The following SPAG9 variants were observed in gnomAD, a reference collection of about 807,000 sequenced individuals.
The protein encoded by SPAG9 is sperm associated antigen 9.
In SPAG9, 35 loss-of-function variants were observed where a neutral mutation model predicts 166.5. The observed-to-expected ratio is 0.21, with a 90% CI of 0.16 to 0.28. The LOEUF (loss-of-function observed/expected upper bound fraction) is 0.28, where lower values mean the gene tolerates loss of function less well. Among genes scored for constraint, SPAG9 ranks in the 10% least tolerant of loss-of-function variants. The pLI is 1.00. For missense variants in SPAG9, 1,235 were observed against 1,603.3 expected, an observed-to-expected ratio of 0.77 and a Z score of 3.92; for synonymous variants, 534 against 565.5, an observed-to-expected ratio of 0.94 and a Z score of 0.79.
intron 4 of SPAG9, among the ~76,000 whole-genome samples, chr17:51,041,880 G>A (rs1001493988): frequency 6.6e-6 from 1 of 152,166 alleles, no homozygotes; most frequent in Non-Finnish European, 1.5e-5. Flanking sequence ...GGTAAGAAGG[G>A]TTAAGGAAAT....
intron 1 of SPAG9, among the ~76,000 whole-genome samples, chr17:51,118,852 C>A (rs1345871631): frequency 6.6e-6 from 1 of 152,068 alleles, no homozygotes; most frequent in Non-Finnish European, 1.5e-5. Flanking sequence ...GAGTTCAAGA[C>A]CATCCTAGGC....
chr17:51,069,322 ATTAT>A (rs918375966), intron 2 of SPAG9, among the ~76,000 whole-genome samples: 4 of 152,090 alleles, frequency 2.6e-5, no homozygotes, highest in African/African-American at 9.6e-5. Context: ...CTATTACAGT[ATTAT>A]TTAATTTTTT....
At chr17:51,095,462 G>A (rs892755528) in intron 1 of SPAG9, among the ~76,000 whole-genome samples, 125 of 151,516 alleles carry the variant, frequency 8.2e-4, no homozygotes, top group African/African-American at 2.9e-3. Context: ...GCCAAAGGCT[G>A]AGAAATGATG....
chr17:51,080,035 T>C (rs1004239639), intron 1 of SPAG9, among the ~76,000 whole-genome samples: 8 of 152,148 alleles, frequency 5.3e-5, no homozygotes, highest in East Asian at 1.9e-4. Flanking sequence ...ACATGTACAA[T>C]AGAGAACAAA....
intron 3 of SPAG9, among the ~76,000 whole-genome samples, chr17:51,055,211 G>A (rs945879597): frequency 3.3e-5 from 5 of 151,948 alleles, no homozygotes; most frequent in Non-Finnish European, 5.9e-5. Flanking sequence ...AAGTTAGCCG[G>A]GTATGGTGGC....
At chr17:51,079,541 G>A in intron 2 of SPAG9, 43 bp downstream of exon 2, 1 of 1,600,480 alleles carries the variant, frequency 6.2e-7, no homozygotes, top group Non-Finnish European at 8.5e-7. Context: ...GTCTGGCCAA[G>A]CCCAATCTTT....
chr17:51,013,901 TAC>T (rs61242113), intron 9 of SPAG9, among the ~76,000 whole-genome samples: 137,752 of 151,130 alleles, frequency 0.91, 62,877 homozygotes, highest in East Asian at 1. Context: ...CACATACACA[TAC>T]ACACACACAC....
chr17:50,980,856 G>C (rs140342990), intron 25 of SPAG9, among the ~76,000 whole-genome samples: 3 of 152,114 alleles, frequency 2.0e-5, no homozygotes, highest in Non-Finnish European at 4.4e-5. Flanking sequence ...AGAAAAATTA[G>C]TCAGGTATAA....
chr17:50,990,031 A>ATT (rs754240485), intron 20 of SPAG9, 159 bp from the exon 21 acceptor site: 218 of 595,856 alleles, frequency 3.7e-4, no homozygotes, highest in Non-Finnish European at 4.5e-4. Context: ...TCATTACAGC[A>ATT]TTTTTTTTTT....
At chr17:51,018,537 T>C (rs2045798831) in intron 8 of SPAG9, among the ~76,000 whole-genome samples, 1 of 152,160 alleles carries the variant, frequency 6.6e-6, no homozygotes, top group Admixed American at 6.5e-5. Context: ...GTTCAAACTT[T>C]TTTGTTTTGT....
At position 50,970,779 on chromosome 17, in the gene SPAG9, G is replaced by A; in HGVS notation, c.3778C>T (p.Pro1260Ser). 1.2e-6 allele frequency: 2 copies of A among 1,614,044 alleles called. No individual in the cohort carries two copies. Among genetic ancestry groups the A allele is most frequent in the Non-Finnish European group, 1.7e-6 (2 of 1,179,968 alleles). The change falls in exon 29 of 30, where the codon CCT becomes TCT. Residue 1260 changes from proline to serine, a missense_variant. Pro to Ser is a moderately conservative substitution (Grantham distance 74). Around this residue, in one of 6 missense-constraint regions of SPAG9, gnomAD observed 243 missense variants for 358.6 expected, o/e 0.68. Transcript: ENST00000262013. ...GDKAGPSAQE[P>S]GSQTPLKSML... ...GACTTCAAGGGCGTCTGACTACCAG[G>A]CTCCTGTGCAGATGGCCCTGCTTTG...
At chr17:50,971,570 C>T (rs747168248) in intron 28 of SPAG9, among the ~76,000 whole-genome samples, 48 of 145,368 alleles carry the variant, frequency 3.3e-4, no homozygotes, top group Admixed American at 2.9e-4. Context: ...CGGGTTCAAG[C>T]GATTTACCTG....
At chr17:51,010,635 G>C (rs1465874100) in intron 9 of SPAG9, among the ~76,000 whole-genome samples, 2 of 150,540 alleles carry the variant, frequency 1.3e-5, no homozygotes, top group South Asian at 4.2e-4. Flanking sequence ...ACATTTAGGA[G>C]AGGGAACAAA....
At chr17:51,095,123 G>A (rs906707276) in intron 1 of SPAG9, among the ~76,000 whole-genome samples, 3 of 151,406 alleles carry the variant, frequency 2.0e-5, no homozygotes, top group South Asian at 2.1e-4. Context: ...GTGAAACCCC[G>A]TCTCTACTAA....
At position 50,998,483 on chromosome 17, in the gene SPAG9, G is replaced by C; in HGVS notation, c.1799C>G (p.Pro600Arg). Residue 600 changes from proline (P) to arginine (R), a missense_variant, in exon 15 of 30, where the codon CCT (proline) becomes CGT (arginine). This residue lies in a region of SPAG9 where 493 missense variants were observed against 559.4 expected (regional missense o/e 0.88). Coordinates refer to ENST00000262013, the MANE Select transcript of SPAG9 (RefSeq NM_001130528.3). ...KKRSSTLSQL[P>R]GDKSKAFDFL... The stretch of plus-strand genomic sequence containing the variant: ...ATCAAAGGCTTTGGACTTATCCCCA[G>C]GGAGCTGAGATAAGGTGCTGCTTCT... The C allele has an allele frequency of 6.2e-7, 1 of 1,614,118 alleles. No individual in the cohort carries two copies. The highest frequency in any genetic ancestry group is 8.5e-7 in the Non-Finnish European group (1 of 1,179,978).
chr17:51,033,740 G>T (rs755822971), intron 5 of SPAG9, among the ~76,000 whole-genome samples: 3 of 152,170 alleles, frequency 2.0e-5, no homozygotes, highest in Non-Finnish European at 4.4e-5. Flanking sequence ...AACATTTCTA[G>T]TACATGGCAT....
chr17:51,001,026 G>A (rs2044924289), intron 13 of SPAG9, among the ~76,000 whole-genome samples: 1 of 152,118 alleles, frequency 6.6e-6, no homozygotes, highest in African/African-American at 2.4e-5. Flanking sequence ...CATAAACTGT[G>A]AAATAAATGA....
At chr17:51,098,762 G>A (rs577807086) in intron 1 of SPAG9, among the ~76,000 whole-genome samples, 12 of 151,808 alleles carry the variant, frequency 7.9e-5, no homozygotes, top group Admixed American at 7.2e-4. Context: ...AAAGTGCTGG[G>A]ACTATAGGCA....
intron 1 of SPAG9, among the ~76,000 whole-genome samples, chr17:51,093,754 T>C (rs2048537223): frequency 7.1e-6 from 1 of 140,454 alleles, no homozygotes; most frequent in Non-Finnish European, 1.6e-5. Flanking sequence ...AAGTATGTAA[T>C]AGAAAACTGG....
Sources: allele counts gnomAD v4.1 joint callset (sites outside exome capture counted in the v4.1 genomes callset), GRCh38; gene constraint gnomAD v4.1.1; regional missense constraint gnomAD v4.1.1; transcripts MANE v1.5; gene names NCBI Gene and HGNC (gene_info 2026-07-23, HGNC 2026-07-21).